Variants in MIOX observed in about 807,000 individuals in gnomAD.
The protein encoded by MIOX is inositol oxygenase.
In MIOX, 51 loss-of-function variants were observed where a neutral mutation model predicts 42.7. The ratio of observed to expected loss-of-function variants is 1.19; its 90% CI spans 0.95 to 1.51. The LOEUF is 1.51. Among genes scored for constraint, MIOX ranks in the 40% most tolerant of loss-of-function variants. MIOX has a pLI of 0.00. For missense variants in MIOX, 395 were observed against 381.3 expected, an observed-to-expected ratio of 1.04 and a Z score of -0.30; for synonymous variants, 168 against 154.4, an observed-to-expected ratio of 1.09 and a Z score of -0.65.
chr22:50,487,036 C>A, intron 1 of MIOX, 124 bp downstream of exon 1: 1 of 1,263,540 alleles, frequency 7.9e-7, no homozygotes, highest in Non-Finnish European at 1.1e-6. Context: ...CAAGAGCCAG[C>A]GGCTGCCGAC....
chr22:50,489,795 A>G lies in MIOX; in HGVS notation c.797A>G (p.Lys266Arg), dbSNP rs763418666. 2.4e-5 allele frequency: 39 copies of G among 1,612,080 alleles called. No individual in the cohort carries two copies. Among genetic ancestry groups the G allele is most frequent in the Non-Finnish European group, 3.1e-5 (36 of 1,179,926 alleles). ...TGCCCGGACCTGCCGGACGTGGACA[A>G]GCTGCGGCCCTACTACCAGGGGCTC... ...TKCPDLPDVDKLRPYYQGLID... is the reference protein window; with the variant it reads ...TKCPDLPDVDRLRPYYQGLID... Residue 266 changes from lysine (K) to arginine (R), a missense_variant, in exon 10 of 10, where the codon AAG becomes AGG. By Grantham distance (26) the Lys-to-Arg change is conservative. Coordinates refer to ENST00000216075, the MANE Select transcript of MIOX (RefSeq NM_017584.6).
In MIOX at chr22:50,489,268, AG is replaced by A. The variant is rs2068326416; in HGVS notation, c.562del (p.Val188SerfsTer14). On this transcript the variant is annotated frameshift_variant, in exon 7 of 10. Transcript: ENST00000216075. LOFTEE classifies it high-confidence loss of function. ...GTATCAGCCCCACTGTGGGCTCGACAGGGTCCTCATGTCCTGGGGCCATGAT... is the reference window on the plus strand; with the variant it reads ...GTATCAGCCCCACTGTGGGCTCGACAGGTCCTCATGTCCTGGGGCCATGAT... ...GMYQPHCGLD[R>X]VLMSWGHDEY... 2 of 1,575,966 alleles carry A rather than the reference AG, an allele frequency of 1.3e-6. No homozygotes were observed. The highest frequency in any genetic ancestry group is 2.8e-5 in the African/African-American group (2 of 71,060).
In MIOX at chr22:50,489,955, C is replaced by T. The variant is rs538981699; in HGVS notation, c.*99C>T. The stretch of plus-strand genomic sequence containing the variant: ...AAACAGCCGCCATCAGGGTTCACCT[C>T]GGTGGGGGACCCCACTCACCCCCTT... On this transcript the variant is annotated 3_prime_UTR_variant, in exon 10 of 10. Transcript: ENST00000216075. 1.0e-5 allele frequency: 12 copies of T among 1,152,888 alleles called. No homozygotes were observed. Among genetic ancestry groups the T allele is most frequent in the African/African-American group, 4.6e-5 (3 of 65,888 alleles). 71.4% of individuals were successfully genotyped at this position (1,152,888 alleles called of 1,614,324 possible). A position where few individuals can be genotyped will look rare whatever the true frequency, so the allele number is the denominator to read the frequency against.
Position 50,490,014 on chromosome 22 carries a change from G to C in MIOX, c.*158G>C, listed in dbSNP as rs368192822. On this transcript the variant is annotated 3_prime_UTR_variant, in exon 10 of 10. Coordinates refer to ENST00000216075, the MANE Select transcript of MIOX (RefSeq NM_017584.6). ...CACCCCTCACGGCAACTTGTGCCTG[G>C]CGTCAATAAAGACCTGGAAGGATGT... 1 of 640,390 alleles carries C rather than the reference G, an allele frequency of 1.6e-6. No homozygotes were observed. Among genetic ancestry groups the C allele is most frequent in the African/African-American group, 1.8e-5 (1 of 54,840 alleles). The allele number at this position is 640,390 out of a possible 1,614,324, so 39.7% of individuals were successfully genotyped here. A position where few individuals can be genotyped will look rare whatever the true frequency, so the allele number is the denominator to read the frequency against.
Position 50,487,342 on chromosome 22 carries a change from G to T in MIOX, c.16-43G>T, listed in dbSNP as rs2232879. The T allele has an allele frequency of 3.3e-6, 5 of 1,522,076 alleles. No homozygotes were observed. The African/African-American group carries it at 6.9e-5, about 21-fold the overall frequency. 94.3% of individuals were successfully genotyped at this position (1,522,076 alleles called of 1,614,324 possible). On this transcript the variant is annotated intron_variant, in intron 1 of 9. Transcript: ENST00000216075. ...GGGAATGTCTGTGCTTCCTCGTGGAGCTGACATGATGGTGAAATAGGTTCA... is the reference window on the plus strand; with the variant it reads ...GGGAATGTCTGTGCTTCCTCGTGGATCTGACATGATGGTGAAATAGGTTCA...
Position 50,487,693 on chromosome 22 carries a change from C to T in MIOX, c.128C>T (p.Thr43Ile). The change falls in exon 3 of 10, where the codon ACC becomes ATC. Residue 43 changes from threonine to isoleucine, a missense_variant. Transcript: ENST00000216075. ...SGPLLDRVFT[T>I]YKLMHTHQTV... ...CCCCTCCTGGACCGTGTCTTCACCA[C>T]CTACAAGCTCATGCACACGCACCAG... 6.2e-7 allele frequency: 1 copy of T among 1,613,854 alleles called. No individual in the cohort carries two copies. The highest frequency in any genetic ancestry group is 8.5e-7 in the Non-Finnish European group (1 of 1,179,996).
chr22:50,488,013 C>T lies in MIOX; in HGVS notation c.305C>T (p.Thr102Ile). 1 of 1,613,878 alleles carries T rather than the reference C, an allele frequency of 6.2e-7. No homozygotes were observed. Among genetic ancestry groups the T allele is most frequent in the Non-Finnish European group, 8.5e-7 (1 of 1,179,932 alleles). The change falls in exon 4 of 10, where the codon ACA (threonine) becomes ATA (isoleucine). Residue 102 changes from threonine to isoleucine, a missense_variant. Physicochemically the swap from Thr to Ile is moderately conservative, Grantham distance 89 (BLOSUM62 -1). Transcript: ENST00000216075. ...DFPNSFHAFQ[T>I]AEGIRKAHPD... ...CCCAACTCCTTCCATGCCTTCCAGA[C>T]AGCGGAGGGCATCCGGAAGGCCCAC...
At chr22:50,488,673 T>C (rs904419728) in intron 5 of MIOX, among the ~76,000 whole-genome samples, 201 of 61,116 alleles carry the variant, frequency 3.3e-3, no homozygotes, top group Middle Eastern at 0.011. Flanking sequence ...CATGGCCGCC[T>C]GTCCCTCCTG....
rs1352285131 is a variant in MIOX, at chr22:50,488,029, G to A, written c.321G>A (p.Arg107=). ...FHAFQTAEGI[R]KAHPDKDWFH... ...CCTTCCAGACAGCGGAGGGCATCCG[G>A]AAGGCCCACCCAGACAAGGGTGAGC... The change falls in exon 4 of 10, where the codon CGG becomes CGA. Residue 107 remains arginine, a synonymous_variant. Transcript: ENST00000216075. 6.2e-7 allele frequency: 1 copy of A among 1,613,758 alleles called. No homozygotes were observed. Among genetic ancestry groups the A allele is most frequent in the African/African-American group, 1.3e-5 (1 of 75,054 alleles).
In MIOX at chr22:50,490,210, GA is replaced by G; in HGVS notation, c.*355del. On this transcript the variant is annotated 3_prime_UTR_variant, in exon 10 of 10. Transcript: ENST00000216075. The stretch of plus-strand genomic sequence containing the variant: ...CCAGCTCCTGTGTCAGAGCCTGGGG[GA>G]CGAGTCACCCAGCTCACCCCCACAT... 1 of 313,060 alleles carries G rather than the reference GA, an allele frequency of 3.2e-6. No homozygotes were observed. Among genetic ancestry groups the G allele is most frequent in the Non-Finnish European group, 6.1e-6 (1 of 162,824 alleles). The allele number at this position is 313,060 out of a possible 1,614,324, so 19.4% of individuals were successfully genotyped here.
At chr22:50,489,725 C>T in intron 9 of MIOX, 23 bp from the exon 10 acceptor site, 2 of 1,610,366 alleles carry the variant, frequency 1.2e-6, no homozygotes, top group Non-Finnish European at 8.5e-7. Flanking sequence ...CTTCACGGGG[C>T]TCACCGCCCC....
At position 50,488,016 on chromosome 22, in the gene MIOX, C is replaced by CG. The variant is rs1603437545; in HGVS notation, c.310dup (p.Glu104GlyfsTer63). The CG allele has an allele frequency of 1.2e-6, 2 of 1,613,862 alleles. No homozygotes were observed. Among genetic ancestry groups the CG allele is most frequent in the Non-Finnish European group, 1.7e-6 (2 of 1,179,932 alleles). On this transcript the variant is annotated frameshift_variant, in exon 4 of 10. Coordinates refer to ENST00000216075, the MANE Select transcript of MIOX (RefSeq NM_017584.6). LOFTEE classifies it high-confidence loss of function. The stretch of plus-strand genomic sequence containing the variant: ...AACTCCTTCCATGCCTTCCAGACAG[C>CG]GGAGGGCATCCGGAAGGCCCACCCA...
In MIOX at chr22:50,487,992, A is replaced by C; in HGVS notation, c.284A>C (p.Asn95Thr). Residue 95 changes from asparagine to threonine, a missense_variant, in exon 4 of 10, where the codon AAC (asparagine) becomes ACC (threonine). Transcript: ENST00000216075. The stretch of plus-strand genomic sequence containing the variant: ...TCGGACCCGGACGTAGATTTCCCCA[A>C]CTCCTTCCATGCCTTCCAGACAGCG... ...DESDPDVDFP[N>T]SFHAFQTAEG... 1.9e-6 allele frequency: 3 copies of C among 1,613,596 alleles called. No homozygotes were observed. Among genetic ancestry groups the C allele is most frequent in the Non-Finnish European group, 2.5e-6 (3 of 1,179,856 alleles).
In MIOX at chr22:50,489,544, A is replaced by G; in HGVS notation, c.649A>G (p.Ile217Val). 1 of 1,612,592 alleles carries G rather than the reference A, an allele frequency of 6.2e-7. No individual in the cohort carries two copies. ...GCCTTGCCCGCAGGCTTTCTACATG[A>G]TCCGGTTCCACTCCTTCTACCCCTG... is the stretch of plus-strand genomic sequence containing the variant. Reference protein sequence around the residue: ...FSLPPEAFYMIRFHSFYPWHT... With the variant: ...FSLPPEAFYMVRFHSFYPWHT... The change falls in exon 9 of 10, where the codon ATC becomes GTC. Residue 217 changes from isoleucine to valine, a missense_variant. Physicochemically the swap from Ile to Val is conservative, Grantham distance 29. Transcript: ENST00000216075.
chr22:50,488,412 C>T lies in MIOX; in HGVS notation c.408+70C>T. On this transcript the variant is annotated intron_variant, in intron 5 of 9. Coordinates refer to ENST00000216075, the MANE Select transcript of MIOX (RefSeq NM_017584.6). Reference sequence around the variant, plus strand: ...AGGTGGGGGTGGAGTGGCCTTGGTGCTTGGCCTGGGATACTACCTGGGGGA... The same window carrying T: ...AGGTGGGGGTGGAGTGGCCTTGGTGTTTGGCCTGGGATACTACCTGGGGGA... The T allele has an allele frequency of 2.2e-6, 3 of 1,340,604 alleles. No homozygotes were observed. The Admixed American group carries it at 6.1e-5, about 27-fold the overall frequency. The allele number at this position is 1,340,604 out of a possible 1,614,324, so 83.0% of individuals were successfully genotyped here. A position where few individuals can be genotyped will look rare whatever the true frequency, so the allele number is the denominator to read the frequency against.
At position 50,489,962 on chromosome 22, in the gene MIOX, G is replaced by C. The variant is rs1033995533; in HGVS notation, c.*106G>C. ...CGCCATCAGGGTTCACCTCGGTGGG[G>C]GACCCCACTCACCCCCTTAGGGTCG... On this transcript the variant is annotated 3_prime_UTR_variant, in exon 10 of 10. Coordinates refer to ENST00000216075, the MANE Select transcript of MIOX (RefSeq NM_017584.6). 20 of 1,077,738 alleles carry C rather than the reference G, an allele frequency of 1.9e-5. No individual in the cohort carries two copies. Among genetic ancestry groups the C allele is most frequent in the Non-Finnish European group, 8.3e-6 (6 of 725,556 alleles). 66.8% of individuals were successfully genotyped at this position (1,077,738 alleles called of 1,614,324 possible). A position where few individuals can be genotyped will look rare whatever the true frequency, so the allele number is the denominator to read the frequency against.
chr22:50,489,902 G>T lies in MIOX; in HGVS notation c.*46G>T. 1.9e-6 allele frequency: 3 copies of T among 1,564,084 alleles called. No individual in the cohort carries two copies. The highest frequency in any genetic ancestry group is 2.6e-6 in the Non-Finnish European group (3 of 1,144,004). On this transcript the variant is annotated 3_prime_UTR_variant, in exon 10 of 10. Coordinates refer to ENST00000216075, the MANE Select transcript of MIOX (RefSeq NM_017584.6). ...CTGCTGGACCTAGGCCTGGCCCTCC[G>T]CCTGCCTGGAGAGGCCTGGCCCTGG...
chr22:50,489,400 A>G lies in MIOX; in HGVS notation c.590A>G (p.Tyr197Cys), dbSNP rs2068329462. The change falls in exon 8 of 10, where the codon TAC (tyrosine) becomes TGC (cysteine). Residue 197 changes from tyrosine (Y) to cysteine (C), a missense_variant. By Grantham distance (194) the Tyr-to-Cys change is radical. Coordinates refer to ENST00000216075, the MANE Select transcript of MIOX (RefSeq NM_017584.6). ...TGGTGACACCCTCTCCCCACAGAGT[A>G]CATGTACCAGGTGATGAAGTTTAAC... ...RVLMSWGHDEYMYQVMKFNKF... is the reference protein window; with the variant it reads ...RVLMSWGHDECMYQVMKFNKF... The G allele has an allele frequency of 6.3e-7, 1 of 1,593,432 alleles. No homozygotes were observed.
In MIOX at chr22:50,490,522, G is replaced by A. The variant is rs1238847531; in HGVS notation, c.*666G>A. The A allele has an allele frequency of 2.0e-5, 3 of 152,388 alleles. No individual in the cohort carries two copies. Among genetic ancestry groups the A allele is most frequent in the African/African-American group, 4.8e-5 (2 of 41,538 alleles). 9.4% of individuals were successfully genotyped at this position (152,388 alleles called of 1,614,324 possible). On this transcript the variant is annotated 3_prime_UTR_variant, in exon 10 of 10. Transcript: ENST00000216075. ...AATCCCAGCTATTCAGGAGGCTAAG[G>A]CAGGAGAATCGCTTGAACCCGGGAG... is the stretch of plus-strand genomic sequence containing the variant.
Sources: allele counts gnomAD v4.1 joint callset (sites outside exome capture counted in the v4.1 genomes callset), GRCh38; gene constraint gnomAD v4.1.1; transcripts MANE v1.5; gene names NCBI Gene and HGNC (gene_info 2026-07-23, HGNC 2026-07-21).